Variants in TNFSF4 observed in about 807,000 individuals in gnomAD.
TNFSF4 encodes the protein TNF superfamily member 4.
Under a neutral mutation model 7.3 loss-of-function variants are expected in TNFSF4, and 4 were observed. The ratio of observed to expected loss-of-function variants is 0.55; its 90% CI spans 0.27 to 1.25. The LOEUF is 1.25. TNFSF4 is among the 50% of genes most tolerant of loss of function. The probability of loss-of-function intolerance (pLI) is 0.12; values close to 1 mark genes in which losing one functional copy is unlikely to be tolerated. For synonymous variants in TNFSF4, 76 were observed against 83.7 expected (o/e 0.91, Z 0.50); for missense variants, 181 against 208.8 (o/e 0.87, Z 0.82).
chr1:173,175,238 T>C, the TNFSF4 span: 1 of 152,174 alleles, frequency 6.6e-6, no homozygotes, highest in Non-Finnish European at 1.5e-5. Flanking sequence ...AGCTGATAAG[T>C]GGTGGTAAAA....
the TNFSF4 span, among the ~76,000 whole-genome samples, chr1:173,347,122 A>T: frequency 6.6e-6 from 1 of 152,178 alleles, no homozygotes; most frequent in Non-Finnish European, 1.5e-5. Flanking sequence ...CAGGGCCACT[A>T]CTGAAGTTAG....
the TNFSF4 span, among the ~76,000 whole-genome samples, chr1:173,398,802 C>A: frequency 6.6e-6 from 1 of 152,116 alleles, no homozygotes; most frequent in African/African-American, 2.4e-5. Context: ...AAGATAAATT[C>A]TTGCATCTGG....
At chr1:173,411,929 C>T in the TNFSF4 span, among the ~76,000 whole-genome samples, 12 of 152,006 alleles carry the variant, frequency 7.9e-5, no homozygotes. Flanking sequence ...ACTAGCCTGG[C>T]CAATACGGTG....
chr1:173,396,389 G>A, the TNFSF4 span, among the ~76,000 whole-genome samples: 2 of 152,026 alleles, frequency 1.3e-5, no homozygotes, highest in African/African-American at 4.8e-5. Context: ...GCACACCTGT[G>A]GTCCCAGCTA....
the TNFSF4 span, among the ~76,000 whole-genome samples, chr1:173,375,074 G>A: frequency 2.6e-5 from 4 of 152,222 alleles, no homozygotes; most frequent in Non-Finnish European, 4.4e-5. Flanking sequence ...AACCTCTGGA[G>A]TTGGGCAACA....
At chr1:173,243,253 C>A in the TNFSF4 span, among the ~76,000 whole-genome samples, 2 of 152,150 alleles carry the variant, frequency 1.3e-5, no homozygotes, top group Admixed American at 1.3e-4. Context: ...ACTACTGATC[C>A]AGCTGATCTG....
chr1:173,316,076 A>G, the TNFSF4 span, among the ~76,000 whole-genome samples: 1 of 152,070 alleles, frequency 6.6e-6, no homozygotes, highest in Non-Finnish European at 1.5e-5. Context: ...CTGATGTAGG[A>G]CAAAAGTCCA....
chr1:173,228,796 T>G, the TNFSF4 span, among the ~76,000 whole-genome samples: 2 of 152,178 alleles, frequency 1.3e-5, no homozygotes, highest in Admixed American at 6.5e-5. Context: ...CAAGCTTCAG[T>G]AGCTGATTCA....
Position 173,183,936 on chromosome 1 carries a change from T to C in TNFSF4, c.*2580A>G, listed in dbSNP as rs1309934008. 2 of 152,166 alleles carry C rather than the reference T, an allele frequency of 1.3e-5. No individual in the cohort carries two copies. The highest frequency in any genetic ancestry group is 2.9e-5 in the Non-Finnish European group (2 of 68,022). 9.4% of individuals were successfully genotyped at this position (152,166 alleles called of 1,614,324 possible). A position where few individuals can be genotyped will look rare whatever the true frequency, so the allele number is the denominator to read the frequency against. ...TGGAATCCCTTAAGCATTCTCTAAA[T>C]AGAAAATATCTAACTAACAATTGAT... is the stretch of plus-strand genomic sequence containing the variant. On this transcript the variant is annotated 3_prime_UTR_variant, in exon 3 of 3. Transcript: ENST00000281834.
the TNFSF4 span, among the ~76,000 whole-genome samples, chr1:173,222,375 A>G: frequency 6.6e-6 from 1 of 152,226 alleles, no homozygotes; most frequent in Admixed American, 6.5e-5. Flanking sequence ...AACCTTAATC[A>G]GGGAAAGTTA....
At chr1:173,415,276 G>A in the TNFSF4 span, among the ~76,000 whole-genome samples, 1 of 152,200 alleles carries the variant, frequency 6.6e-6, no homozygotes, top group African/African-American at 2.4e-5. Flanking sequence ...CCAACACATA[G>A]TTGTGCCTCA....
In TNFSF4 at chr1:173,185,897, G is replaced by A. The variant is rs1390831418; in HGVS notation, c.*619C>T. The A allele has an allele frequency of 1.3e-5, 2 of 152,100 alleles. No individual in the cohort carries two copies. The highest frequency in any genetic ancestry group is 2.9e-5 in the Non-Finnish European group (2 of 68,028). 9.4% of individuals were successfully genotyped at this position (152,100 alleles called of 1,614,324 possible). A position where few individuals can be genotyped will look rare whatever the true frequency, so the allele number is the denominator to read the frequency against. ...AAAATGGTAAAGAAAAAAAGCACGT[G>A]GTATTTCTTAGACGGCTCTCTTCAA... On this transcript the variant is annotated 3_prime_UTR_variant, in exon 3 of 3. Coordinates refer to ENST00000281834, the MANE Select transcript of TNFSF4 (RefSeq NM_003326.5).
At chr1:173,388,074 G>C in the TNFSF4 span, among the ~76,000 whole-genome samples, 3 of 152,178 alleles carry the variant, frequency 2.0e-5, no homozygotes, top group African/African-American at 7.2e-5. Context: ...CATTGGTTCA[G>C]GAAAAGATTA....
the TNFSF4 span, among the ~76,000 whole-genome samples, chr1:173,297,476 C>T: frequency 6.6e-6 from 1 of 151,928 alleles, no homozygotes; most frequent in Non-Finnish European, 1.5e-5. Context: ...CCTGAAGTAA[C>T]AGAAAGCACA....
At chr1:173,332,527 T>C in the TNFSF4 span, among the ~76,000 whole-genome samples, 1 of 151,382 alleles carries the variant, frequency 6.6e-6, no homozygotes, top group Non-Finnish European at 1.5e-5. Flanking sequence ...CAAGACTCTG[T>C]CTCAAAATAA....
At chr1:173,315,036 T>C in the TNFSF4 span, among the ~76,000 whole-genome samples, 1 of 152,092 alleles carries the variant, frequency 6.6e-6, no homozygotes, top group Non-Finnish European at 1.5e-5. Flanking sequence ...CAGTATCTAA[T>C]AACAAAGAAA....
the TNFSF4 span, among the ~76,000 whole-genome samples, chr1:173,439,467 G>A: frequency 6.6e-6 from 1 of 152,166 alleles, no homozygotes; most frequent in Non-Finnish European, 1.5e-5. Context: ...CCCAGCCTCT[G>A]CCCACCTGCA....
At chr1:173,356,753 G>A in the TNFSF4 span, among the ~76,000 whole-genome samples, 6 of 152,160 alleles carry the variant, frequency 3.9e-5, no homozygotes, top group Non-Finnish European at 8.8e-5. Flanking sequence ...GTTCTTTCTA[G>A]CTCATGAGTC....
At chr1:173,417,364 G>A in the TNFSF4 span, among the ~76,000 whole-genome samples, 1 of 152,094 alleles carries the variant, frequency 6.6e-6, no homozygotes, top group Non-Finnish European at 1.5e-5. Flanking sequence ...CACATAGCTG[G>A]TGCAAAAAAA....
Sources: allele counts gnomAD v4.1 joint callset (sites outside exome capture counted in the v4.1 genomes callset), GRCh38; gene constraint gnomAD v4.1.1; transcripts MANE v1.5; gene names NCBI Gene and HGNC (gene_info 2026-07-23, HGNC 2026-07-21).